The following TLN2 variants were observed in gnomAD, a reference collection of about 807,000 sequenced individuals.
TLN2 encodes talin 2, also known as talin-2.
Under a neutral mutation model 294.7 loss-of-function variants are expected in TLN2, and 118 were observed. That is an observed-to-expected ratio of 0.40 (90% CI 0.34 to 0.47). The LOEUF is 0.47. Ranked by LOEUF, TLN2 falls within the 20% of genes least tolerant of loss-of-function variation. The probability of loss-of-function intolerance (pLI) is 0.84; values close to 1 mark genes in which losing one functional copy is unlikely to be tolerated. For missense variants in TLN2, 3,083 were observed against 3,282.2 expected (o/e 0.94, Z 1.48); for synonymous variants, 1,431 against 1,304.5 (o/e 1.10, Z -2.09).
At chr15:62,585,452 C>T (rs188537216) in intron 1 of TLN2, among the ~76,000 whole-genome samples, 110 of 152,266 alleles carry the variant, frequency 7.2e-4, no homozygotes, top group Non-Finnish European at 1.4e-3. Flanking sequence ...TTACGATGAG[C>T]AACCATGTAC....
At chr15:62,483,472 A>G (rs2038217335) in intron 1 of TLN2, among the ~76,000 whole-genome samples, 1 of 152,218 alleles carries the variant, frequency 6.6e-6, no homozygotes, top group Admixed American at 6.5e-5. Context: ...TTCCTTTAAA[A>G]ATGATGTTCT....
At chr15:62,802,718 C>T (rs1275638936) in intron 50 of TLN2, among the ~76,000 whole-genome samples, 1 of 152,194 alleles carries the variant, frequency 6.6e-6, no homozygotes, top group Non-Finnish European at 1.5e-5. Flanking sequence ...TCCCTTTTCT[C>T]CACATCCCTG....
chr15:62,725,459 A>G (rs1227790686), intron 27 of TLN2, among the ~76,000 whole-genome samples: 1 of 152,222 alleles, frequency 6.6e-6, no homozygotes, highest in African/African-American at 2.4e-5. Context: ...ACTAGGATGG[A>G]CAACGGCAAA....
chr15:62,738,399 C>A, intron 30 of TLN2, 66 bp downstream of exon 30: 8 of 1,547,080 alleles, frequency 5.2e-6, no homozygotes, highest in Non-Finnish European at 7.0e-6. Flanking sequence ...TGAGTGAAGT[C>A]TTCTTCTCTC....
intron 54 of TLN2, among the ~76,000 whole-genome samples, chr15:62,824,794 C>T (rs2067894396): frequency 6.6e-6 from 1 of 152,182 alleles, no homozygotes; most frequent in Non-Finnish European, 1.5e-5. Context: ...TGGTTTTGAC[C>T]TCTTCCTTAT....
intron 1 of TLN2, among the ~76,000 whole-genome samples, chr15:62,400,429 C>A (rs1259570473): frequency 6.6e-6 from 1 of 152,132 alleles, no homozygotes; most frequent in East Asian, 1.9e-4. Flanking sequence ...TTACTTAATT[C>A]TTGTCTGAAT....
At chr15:62,559,250 G>A (rs986044267) in intron 1 of TLN2, among the ~76,000 whole-genome samples, 3 of 152,178 alleles carry the variant, frequency 2.0e-5, no homozygotes, top group South Asian at 4.2e-4. Flanking sequence ...TAGGATCACC[G>A]AAAATTGAGG....
chr15:62,838,138 G>A (rs1361042559), intron 57 of TLN2: 2 of 152,214 alleles, frequency 1.3e-5, no homozygotes, highest in African/African-American at 4.8e-5. Context: ...CCATCTTAGA[G>A]CCTGTGGTGC....
At chr15:62,409,920 C>G (rs2033663309) in intron 1 of TLN2, among the ~76,000 whole-genome samples, 1 of 152,142 alleles carries the variant, frequency 6.6e-6, no homozygotes, top group Non-Finnish European at 1.5e-5. Flanking sequence ...GTTCTTCCTT[C>G]TGGGAAAATG....
Position 62,762,469 on chromosome 15 carries a change from G to T in TLN2, c.4961+16G>T. ...CTTCTATCAGGTCAGTTTCCCATCC[G>T]GAGGTTGCTGCCAGCCTGCATCTCA... On this transcript the variant is annotated intron_variant, in intron 39 of 58. Transcript: ENST00000636159. The T allele has an allele frequency of 1.2e-6, 2 of 1,610,908 alleles. No individual in the cohort carries two copies. Among genetic ancestry groups the T allele is most frequent in the Non-Finnish European group, 1.7e-6 (2 of 1,177,790 alleles).
At chr15:62,661,563 A>G (rs1003967489) in intron 9 of TLN2, among the ~76,000 whole-genome samples, 4 of 152,174 alleles carry the variant, frequency 2.6e-5, no homozygotes, top group Non-Finnish European at 5.9e-5. Context: ...AAAAGAACGT[A>G]TGGAATAAGA....
chr15:62,470,843 G>A (rs2037428176), intron 1 of TLN2, among the ~76,000 whole-genome samples: 1 of 152,212 alleles, frequency 6.6e-6, no homozygotes, highest in Non-Finnish European at 1.5e-5. Context: ...AACATATCAA[G>A]ACAAAAAGGC....
chr15:62,680,581 CTT>C (rs1289855162), intron 11 of TLN2, among the ~76,000 whole-genome samples: 1 of 143,992 alleles, frequency 6.9e-6, no homozygotes. Context: ...CTAAGGGATA[CTT>C]TTTTTTTTTT....
At chr15:62,409,432 C>CT (rs1355391952) in intron 1 of TLN2, among the ~76,000 whole-genome samples, 1 of 152,122 alleles carries the variant, frequency 6.6e-6, no homozygotes, top group South Asian at 2.1e-4. Context: ...TTTTTTCTGG[C>CT]TGTTGCAGGG....
chr15:62,814,001 A>G (rs2066890830), intron 52 of TLN2, among the ~76,000 whole-genome samples: 1 of 151,924 alleles, frequency 6.6e-6, no homozygotes, highest in Non-Finnish European at 1.5e-5. Flanking sequence ...TTTTGTAGAG[A>G]TGGGGTTTCA....
intron 48 of TLN2, among the ~76,000 whole-genome samples, chr15:62,798,594 G>A (rs544079461): frequency 1.4e-4 from 21 of 151,642 alleles, no homozygotes; most frequent in Non-Finnish European, 2.8e-4. Context: ...TCCCAGAACC[G>A]TCAAATGCCA....
At chr15:62,606,798 G>A (rs529309900) in intron 2 of TLN2, among the ~76,000 whole-genome samples, 2 of 152,282 alleles carry the variant, frequency 1.3e-5, no homozygotes, top group South Asian at 4.1e-4. Flanking sequence ...AGATTGTAGT[G>A]TCAGTCTTTC....
intron 3 of TLN2, among the ~76,000 whole-genome samples, chr15:62,622,168 T>G (rs148305872): frequency 3.3e-4 from 51 of 152,304 alleles, no homozygotes; most frequent in African/African-American, 1.2e-3. Context: ...GGCCTTGGTA[T>G]TATTAATGTG....
rs906454838 is a variant in TLN2, at chr15:62,432,129, A to G, written c.-238+41444A>G. ...GTCTCAGTGTGTGTATGTTTAATTA[A>G]ATTTTTTTACTTTTTATTAGTGTAT... is the stretch of plus-strand genomic sequence containing the variant. On this transcript the variant is annotated intron_variant, in intron 1 of 58. Transcript: ENST00000636159. 6.6e-5 allele frequency among the ~76,000 whole-genome samples: 10 copies of G among 152,174 alleles called. No individual in the cohort carries two copies. The South Asian group carries it at 8.3e-4, about 13-fold the overall frequency.
Sources: gnomAD v4.1 joint callset for allele counts (sites outside exome capture counted in the v4.1 genomes callset) on GRCh38, gnomAD v4.1.1 for gene constraint, MANE v1.5 for transcripts, NCBI Gene and HGNC (gene_info 2026-07-23, HGNC 2026-07-21) for gene names.